DMC1: variants seen among roughly 807,000 people sequenced by gnomAD.
DMC1 encodes DNA meiotic recombinase 1.
Under a neutral mutation model 50.1 loss-of-function variants are expected in DMC1, and 27 were observed. That is an observed-to-expected ratio of 0.54 (90% CI 0.40 to 0.74). The LOEUF (loss-of-function observed/expected upper bound fraction) is 0.74. Among genes scored for constraint, DMC1 ranks in the 30% least tolerant of loss-of-function variants. DMC1 has a pLI of 0.00. For synonymous variants in DMC1, 148 were observed against 136.1 expected (o/e 1.09, Z -0.61); for missense variants, 295 against 420.2 (o/e 0.70, Z 2.60).
downstream of DMC1, among the ~76,000 whole-genome samples, chr22:38,517,930 C>T (rs751052912): frequency 6.6e-6 from 1 of 152,076 alleles, no homozygotes; most frequent in Non-Finnish European, 1.5e-5. Flanking sequence ...TATACCTTTG[C>T]AGTCTCTCAG....
rs753217966 is a variant in DMC1 at position 38,566,694 on chromosome 22, T to C, written c.139A>G (p.Thr47Ala). 6.2e-7 allele frequency: 1 copy of C among 1,613,786 alleles called. No individual in the cohort carries two copies. The highest frequency in any genetic ancestry group is 1.3e-5 in the African/African-American group (1 of 74,940). ...GTTGTCATCTGTATACCTTTGATGG[T>C]ACAGATTCCTACTGATTTCAGTTTC... Reference protein sequence around the residue: ...IKKLKSVGICTIKGIQMTTRR... With the variant: ...IKKLKSVGICAIKGIQMTTRR... Residue 47 changes from threonine (T) to alanine (A), a missense_variant, in exon 4 of 14, where the codon ACC becomes GCC. Coordinates refer to ENST00000216024, the MANE Select transcript of DMC1 (RefSeq NM_007068.4).
downstream of DMC1, among the ~76,000 whole-genome samples, chr22:38,516,613 A>C (rs566718462): frequency 1.3e-5 from 2 of 152,218 alleles, no homozygotes; most frequent in South Asian, 4.1e-4. Context: ...CACAGGAGGA[A>C]AGATAGGAGA....
At chr22:38,558,146 G>A (rs2090488558) in intron 5 of DMC1, among the ~76,000 whole-genome samples, 1 of 150,868 alleles carries the variant, frequency 6.6e-6, no homozygotes, top group Non-Finnish European at 1.5e-5. Flanking sequence ...ATTTTTAGTA[G>A]AGACAGGGTG....
chr22:38,545,745 T>C (rs2090337172), intron 8 of DMC1: 1 of 152,142 alleles, frequency 6.6e-6, no homozygotes, highest in South Asian at 2.1e-4. Flanking sequence ...TGAAAAAACT[T>C]GGGCTTATGC....
intron 1 of DMC1, 170 bp from the exon 2 acceptor site, chr22:38,568,459 GTGTGTGTGTGTGTGCA>G: frequency 2.6e-5 from 16 of 605,856 alleles, no homozygotes; most frequent in African/African-American, 2.1e-4. Flanking sequence ...TCTTGTGTGT[GTGTGTGTGTGTGTGCA>G]TGTGTGTGTG....
At chr22:38,563,815 T>C (rs2090553900) in intron 4 of DMC1, among the ~76,000 whole-genome samples, 1 of 151,888 alleles carries the variant, frequency 6.6e-6, no homozygotes, top group Non-Finnish European at 1.5e-5. Flanking sequence ...TTCTCCTGAC[T>C]CAGCCTCCCG....
Position 38,521,720 on chromosome 22 carries a change from G to A in DMC1, c.841C>T (p.Gln281Ter). The part of the protein sequence containing the change: ...TADPGATMTF[Q>*]ADPKKPIGGH... ...CCAATGGGTTTTTTGGGATCTGCCT[G>A]AAAGCTGAATTAATAAAATACTCTT... Residue 281 changes from glutamine to a stop codon, truncating the protein, a stop_gained, in exon 13 of 14, where the codon CAG becomes TAG. Coordinates refer to ENST00000216024, the MANE Select transcript of DMC1 (RefSeq NM_007068.4). LOFTEE classifies it high-confidence loss of function. 1 of 1,606,878 alleles carries A rather than the reference G, an allele frequency of 6.2e-7. No homozygotes were observed. The highest frequency in any genetic ancestry group is 8.5e-7 in the Non-Finnish European group (1 of 1,173,458).
intron 8 of DMC1, among the ~76,000 whole-genome samples, chr22:38,540,953 G>A (rs2090274591): frequency 6.6e-6 from 1 of 152,176 alleles, no homozygotes; most frequent in South Asian, 2.1e-4. Context: ...ACAAAGGCTG[G>A]AATGTAACAA....
chr22:38,561,574 T>G (rs1174245707), intron 5 of DMC1, among the ~76,000 whole-genome samples: 1 of 152,144 alleles, frequency 6.6e-6, no homozygotes, highest in African/African-American at 2.4e-5. Flanking sequence ...GAGAAGCAGA[T>G]TTGGGGCAAA....
At chr22:38,548,528 T>C (rs952825605) in intron 8 of DMC1, among the ~76,000 whole-genome samples, 8 of 152,088 alleles carry the variant, frequency 5.3e-5, no homozygotes, top group Middle Eastern at 3.4e-3. Flanking sequence ...TGAGTGTAAT[T>C]GGGCCACTGC....
At chr22:38,544,614 T>C (rs2090321926) in intron 8 of DMC1, among the ~76,000 whole-genome samples, 1 of 151,722 alleles carries the variant, frequency 6.6e-6, no homozygotes, top group Non-Finnish European at 1.5e-5. Context: ...TCCCCAATCT[T>C]GGCAAAATAA....
At chr22:38,511,724 C>T in the DMC1 span, among the ~76,000 whole-genome samples, 1 of 152,150 alleles carries the variant, frequency 6.6e-6, no homozygotes, top group African/African-American at 2.4e-5. Context: ...GCCTCAGCTG[C>T]TGAGTACCTA....
chr22:38,527,291 G>C (rs570618869), intron 12 of DMC1, among the ~76,000 whole-genome samples: 1 of 151,688 alleles, frequency 6.6e-6, no homozygotes, highest in South Asian at 2.1e-4. Flanking sequence ...TACAGCCTCC[G>C]CCTCCCCAGT....
chr22:38,524,891 G>A lies in DMC1; in HGVS notation c.837-3167C>T, dbSNP rs181252636. On this transcript the variant is annotated intron_variant, in intron 12 of 13. Coordinates refer to ENST00000216024, the MANE Select transcript of DMC1 (RefSeq NM_007068.4). ...AGCCTGACCAACATGGAGAAACCCCGTCTCTACTAAAAATACAAAATTAGC... is the reference window on the plus strand; with the variant it reads ...AGCCTGACCAACATGGAGAAACCCCATCTCTACTAAAAATACAAAATTAGC... Among the ~76,000 whole-genome samples the A allele has an allele frequency of 5.6e-3, 846 of 152,052 alleles. 4 individuals carry two copies. Among genetic ancestry groups the A allele is most frequent in the Non-Finnish European group, 9.4e-3 (636 of 67,978 alleles).
At chr22:38,520,783 T>G (rs2090015565) in intron 13 of DMC1, among the ~76,000 whole-genome samples, 1 of 152,202 alleles carries the variant, frequency 6.6e-6, no homozygotes, top group Non-Finnish European at 1.5e-5. Context: ...GTAAAATACT[T>G]TGAAATAAAT....
downstream of DMC1, among the ~76,000 whole-genome samples, chr22:38,514,070 G>A (rs1327047588): frequency 6.6e-6 from 1 of 152,056 alleles, no homozygotes; most frequent in Non-Finnish European, 1.5e-5. Flanking sequence ...GGCTTCACCT[G>A]TGGCTGAAGT....
Position 38,564,722 on chromosome 22 carries a change from C to A in DMC1, c.243+1868G>T, listed in dbSNP as rs540762891. Reference sequence around the variant, plus strand: ...GCTTGAGAAAGAGAGAGGTTCTTTTCTTTGGTAATAAGATTTAATTTCCAA... The same window carrying A: ...GCTTGAGAAAGAGAGAGGTTCTTTTATTTGGTAATAAGATTTAATTTCCAA... On this transcript the variant is annotated intron_variant, in intron 4 of 13. Coordinates refer to ENST00000216024, the MANE Select transcript of DMC1 (RefSeq NM_007068.4). 7.9e-5 allele frequency among the ~76,000 whole-genome samples: 12 copies of A among 152,314 alleles called. No homozygotes were observed. The South Asian group carries it at 2.5e-3, about 32-fold the overall frequency.
chr22:38,546,780 G>C (rs2090348804), intron 8 of DMC1, among the ~76,000 whole-genome samples: 1 of 152,202 alleles, frequency 6.6e-6, no homozygotes, highest in African/African-American at 2.4e-5. Flanking sequence ...AAGACTGTGA[G>C]ATGGGGATGG....
downstream of DMC1, among the ~76,000 whole-genome samples, chr22:38,514,934 AT>A (rs1209032255): frequency 4.4e-5 from 6 of 136,794 alleles, no homozygotes; most frequent in African/African-American, 1.7e-4. Context: ...TGGAATAGCC[AT>A]TTTTTTATTC....
Sources: allele counts gnomAD v4.1 joint callset (sites outside exome capture counted in the v4.1 genomes callset), GRCh38; gene constraint gnomAD v4.1.1; transcripts MANE v1.5; gene names NCBI Gene and HGNC (gene_info 2026-07-23, HGNC 2026-07-21).